PHF21A: variants seen among roughly 807,000 people sequenced by gnomAD.
The protein encoded by PHF21A is BHC80a.
A neutral mutation model predicts 82.5 loss-of-function variants in PHF21A; 11 were observed. That is an observed-to-expected ratio of 0.13 (90% CI 0.08 to 0.22). PHF21A has a LOEUF of 0.22. Ranked by LOEUF, PHF21A falls within the 10% of genes least tolerant of loss-of-function variation. The pLI, the probability that PHF21A is intolerant of heterozygous loss-of-function variation, is 1.00. For missense variants in PHF21A, 579 were observed against 837.8 expected, an observed-to-expected ratio of 0.69 and a Z score of 3.81; for synonymous variants, 297 against 302.8, an observed-to-expected ratio of 0.98 and a Z score of 0.20.
intron 6 of PHF21A, among the ~76,000 whole-genome samples, chr11:45,985,604 A>G (rs1381472116): frequency 6.6e-6 from 1 of 152,250 alleles, no homozygotes; most frequent in Non-Finnish European, 1.5e-5. Context: ...CAGAAGCTAT[A>G]AAAATATACT....
At chr11:46,111,480 A>C (rs2097213522) in intron 1 of PHF21A, among the ~76,000 whole-genome samples, 1 of 152,016 alleles carries the variant, frequency 6.6e-6, no homozygotes, top group Non-Finnish European at 1.5e-5. Flanking sequence ...CGTCTCAAAT[A>C]AATAAATAAA....
chr11:46,001,514 C>T (rs974553840), intron 6 of PHF21A, among the ~76,000 whole-genome samples: 17 of 152,072 alleles, frequency 1.1e-4, no homozygotes. Flanking sequence ...TGCACCACAG[C>T]ATCAACAGAC....
At chr11:46,070,545 G>T (rs2096645201) in intron 6 of PHF21A, among the ~76,000 whole-genome samples, 1 of 152,100 alleles carries the variant, frequency 6.6e-6, no homozygotes, top group South Asian at 2.1e-4. Context: ...TGGCCAGGCT[G>T]GTCTTGAACT....
At chr11:46,050,560 A>G (rs2096343250) in intron 6 of PHF21A, among the ~76,000 whole-genome samples, 1 of 152,208 alleles carries the variant, frequency 6.6e-6, no homozygotes, top group Admixed American at 6.5e-5. Context: ...TGATATAAGC[A>G]TCTCTGGGAG....
At chr11:46,100,254 TC>T (rs2097075087) in intron 1 of PHF21A, among the ~76,000 whole-genome samples, 1 of 152,040 alleles carries the variant, frequency 6.6e-6, no homozygotes, top group African/African-American at 2.4e-5. Flanking sequence ...AATCAGGGCT[TC>T]CATTAACCTT....
chr11:45,960,185 C>T (rs573067264), intron 10 of PHF21A, among the ~76,000 whole-genome samples: 1 of 151,686 alleles, frequency 6.6e-6, no homozygotes, highest in Non-Finnish European at 1.5e-5. Context: ...AGGTATATAC[C>T]CTAAAGAACT....
chr11:46,024,000 T>C (rs978419762), intron 6 of PHF21A, among the ~76,000 whole-genome samples: 3 of 149,704 alleles, frequency 2.0e-5, no homozygotes, highest in African/African-American at 7.5e-5. Flanking sequence ...ATAGAGCATG[T>C]AGCAACCTGT....
At chr11:45,979,362 A>T (rs764769862) in intron 7 of PHF21A, among the ~76,000 whole-genome samples, 2 of 152,154 alleles carry the variant, frequency 1.3e-5, no homozygotes, top group Non-Finnish European at 2.9e-5. Flanking sequence ...TCCCAAGAGC[A>T]CTGATCCTGG....
At position 45,935,650 on chromosome 11, in the gene PHF21A, T is replaced by C; in HGVS notation, c.1774A>G (p.Ser592Gly). ...GGTTTACTTACACTTATGGAATTGC[T>C]GAGCTGTTTCACCTTTTGCTCTAGT... ...EQLEQKVKQLSNSISKCMEMK... is the reference protein window; with the variant it reads ...EQLEQKVKQLGNSISKCMEMK... The change falls in exon 18 of 19, where the codon AGC (serine) becomes GGC (glycine). Residue 592 changes from serine to glycine, a missense_variant. Ser to Gly is a moderately conservative substitution (Grantham distance 56, BLOSUM62 0). Around this residue, in one of 3 missense-constraint regions of PHF21A, gnomAD observed 157 missense variants for 149.4 expected, o/e 1.05. Coordinates refer to ENST00000676320, the MANE Select transcript of PHF21A (RefSeq NM_001352027.3). The C allele has an allele frequency of 6.7e-7, 1 of 1,500,932 alleles. No individual in the cohort carries two copies. Among genetic ancestry groups the C allele is most frequent in the Non-Finnish European group, 9.3e-7 (1 of 1,077,112 alleles). 93.0% of individuals were successfully genotyped at this position (1,500,932 alleles called of 1,614,324 possible).
At chr11:45,959,638 C>T (rs2092950642) in intron 10 of PHF21A, among the ~76,000 whole-genome samples, 1 of 152,120 alleles carries the variant, frequency 6.6e-6, no homozygotes, top group African/African-American at 2.4e-5. Flanking sequence ...GAGAAAAAAA[C>T]TCAAAGAATC....
At chr11:45,993,920 A>C (rs2136759455) in intron 6 of PHF21A, among the ~76,000 whole-genome samples, 1 of 152,138 alleles carries the variant, frequency 6.6e-6, no homozygotes, top group East Asian at 1.9e-4. Context: ...TGCTCTAAGT[A>C]CTTGGAAAGG....
intron 6 of PHF21A, among the ~76,000 whole-genome samples, chr11:46,025,035 T>A (rs748978929): frequency 6.6e-6 from 1 of 152,212 alleles, no homozygotes; most frequent in Non-Finnish European, 1.5e-5. Context: ...ATCTTGTCAT[T>A]AACACTATTA....
chr11:45,980,888 G>A (rs1309660439), intron 6 of PHF21A, among the ~76,000 whole-genome samples: 1 of 152,192 alleles, frequency 6.6e-6, no homozygotes, highest in Non-Finnish European at 1.5e-5. Flanking sequence ...TTCTGTGGCG[G>A]TACACACGTT....
At chr11:46,038,289 G>A (rs556923817) in intron 6 of PHF21A, among the ~76,000 whole-genome samples, 5 of 151,970 alleles carry the variant, frequency 3.3e-5, no homozygotes, top group Admixed American at 1.3e-4. Context: ...CACCACACCC[G>A]GCTAATTTTT....
At chr11:45,950,283 T>C (rs775795263) in intron 11 of PHF21A, 26 bp from the exon 12 acceptor site, 15 of 1,606,408 alleles carry the variant, frequency 9.3e-6, no homozygotes, top group African/African-American at 2.7e-5. Flanking sequence ...AAAAGAAGAA[T>C]ATGCTTCAGT....
intron 6 of PHF21A, among the ~76,000 whole-genome samples, chr11:46,007,465 G>A (rs1356911897): frequency 1.3e-5 from 2 of 151,722 alleles, no homozygotes; most frequent in African/African-American, 2.4e-5. Context: ...AGGTGCCCAC[G>A]ACCATGTCCA....
intron 15 of PHF21A, among the ~76,000 whole-genome samples, chr11:45,939,451 CAAATT>C (rs1181640478): frequency 6.6e-6 from 1 of 152,056 alleles, no homozygotes; most frequent in Non-Finnish European, 1.5e-5. Flanking sequence ...AAGTCAGAAA[CAAATT>C]AAATTCATAT....
intron 6 of PHF21A, chr11:46,026,802 A>G (rs762788309): frequency 3.9e-5 from 6 of 152,258 alleles, no homozygotes; most frequent in Non-Finnish European, 7.4e-5. Context: ...TCTGTCCCAC[A>G]TGACTCACCC....
chr11:46,047,439 G>A (rs1298304849), intron 6 of PHF21A, among the ~76,000 whole-genome samples: 1 of 152,024 alleles, frequency 6.6e-6, no homozygotes, highest in African/African-American at 2.4e-5. Context: ...ATGCCCAAGA[G>A]ATAGGAAATA....
Sources: allele counts gnomAD v4.1 joint callset (sites outside exome capture counted in the v4.1 genomes callset), GRCh38; gene constraint gnomAD v4.1.1; regional missense constraint gnomAD v4.1.1; transcripts MANE v1.5; gene names NCBI Gene and HGNC (gene_info 2026-07-23, HGNC 2026-07-21).